Variants in CDH18 observed in about 807,000 individuals in gnomAD.
CDH18 encodes the protein cadherin-18.
Under a neutral mutation model 67.9 loss-of-function variants are expected in CDH18, and 31 were observed. That is an observed-to-expected ratio of 0.46 (90% CI 0.34 to 0.62). The LOEUF (loss-of-function observed/expected upper bound fraction) is 0.62, where lower values mean the gene tolerates loss of function less well. Among genes scored for constraint, CDH18 ranks in the 20% least tolerant of loss-of-function variants. CDH18 has a pLI of 0.01. For synonymous variants in CDH18, 362 were observed against 347.2 expected (o/e 1.04, Z -0.48); for missense variants, 890 against 975.5 (o/e 0.91, Z 1.17).
At chr5:20,364,266 G>C (rs948117238) in intron 1 of CDH18, among the ~76,000 whole-genome samples, 3 of 149,508 alleles carry the variant, frequency 2.0e-5, no homozygotes, top group Non-Finnish European at 4.5e-5. Flanking sequence ...CACACACAGA[G>C]ACACACACAC....
At chr5:20,516,834 C>T (rs924063838) in intron 1 of CDH18, among the ~76,000 whole-genome samples, 3 of 151,810 alleles carry the variant, frequency 2.0e-5, no homozygotes, top group Non-Finnish European at 4.4e-5. Flanking sequence ...AGGCTGGAAG[C>T]AGGATTTACA....
chr5:19,556,684 G>A (rs1179054594), intron 8 of CDH18, among the ~76,000 whole-genome samples: 2 of 151,946 alleles, frequency 1.3e-5, no homozygotes, highest in Non-Finnish European at 2.9e-5. Context: ...AGAAATATAG[G>A]AGTTTGGAAA....
intron 1 of CDH18, among the ~76,000 whole-genome samples, chr5:20,377,017 C>A (rs994859268): frequency 5.3e-4 from 76 of 142,730 alleles, no homozygotes; most frequent in Middle Eastern, 3.6e-3. Flanking sequence ...GACTCCGTCT[C>A]AAAAAAAAAA....
intron 2 of CDH18, among the ~76,000 whole-genome samples, chr5:20,088,775 C>T (rs1288702095): frequency 6.6e-6 from 1 of 152,136 alleles, no homozygotes; most frequent in African/African-American, 2.4e-5. Context: ...AATAGAATTA[C>T]TCTAATTTTA....
intron 1 of CDH18, among the ~76,000 whole-genome samples, chr5:20,295,481 C>T (rs542917396): frequency 1.1e-3 from 161 of 152,248 alleles, no homozygotes; most frequent in Non-Finnish European, 1.9e-3. Context: ...GTAGTCCCAG[C>T]GCTTTGGGAG....
chr5:19,605,375 A>G (rs893716064), intron 6 of CDH18, among the ~76,000 whole-genome samples: 2 of 151,944 alleles, frequency 1.3e-5, no homozygotes, highest in African/African-American at 4.8e-5. Flanking sequence ...ATGATGTAAG[A>G]TAAAAATATT....
At chr5:20,428,163 T>C (rs1748457339) in intron 1 of CDH18, among the ~76,000 whole-genome samples, 1 of 150,912 alleles carries the variant, frequency 6.6e-6, no homozygotes, top group Admixed American at 6.6e-5. Context: ...TTCTCATTGC[T>C]CAACTCCCAC....
intron 2 of CDH18, among the ~76,000 whole-genome samples, chr5:19,870,491 C>T (rs143409905): frequency 1.4e-3 from 220 of 152,092 alleles, no homozygotes; most frequent in African/African-American, 5.0e-3. Flanking sequence ...ATTTTGATAT[C>T]GGTATGATAT....
At chr5:20,394,073 T>A (rs1040412928) in intron 1 of CDH18, among the ~76,000 whole-genome samples, 1 of 151,976 alleles carries the variant, frequency 6.6e-6, no homozygotes, top group African/African-American at 2.4e-5. Context: ...TAAAATTATA[T>A]GGAATCCCAA....
At chr5:20,198,780 AGG>A in intron 2 of CDH18, among the ~76,000 whole-genome samples, 1 of 152,258 alleles carries the variant, frequency 6.6e-6, no homozygotes, top group Middle Eastern at 3.4e-3. Flanking sequence ...GGCCTGGCCC[AGG>A]GCCCGCCTGC....
rs532138923 is a variant in CDH18, at chr5:20,440,208, A to G, written c.-580+135254T>C. ...GAACATAGCATTAGATCCTAGGAGAAGAATGATAAGACTGAGGCCATGATC... is the reference window on the plus strand; with the variant it reads ...GAACATAGCATTAGATCCTAGGAGAGGAATGATAAGACTGAGGCCATGATC... On this transcript the variant is annotated intron_variant, in intron 1 of 14. Transcript: ENST00000507958. 3.9e-5 allele frequency among the ~76,000 whole-genome samples: 6 copies of G among 151,998 alleles called. No homozygotes were observed. In the South Asian group the frequency reaches 1.2e-3, roughly 31 times the overall value.
chr5:19,792,866 T>C (rs1776506975), intron 3 of CDH18, among the ~76,000 whole-genome samples: 1 of 152,200 alleles, frequency 6.6e-6, no homozygotes, highest in Admixed American at 6.6e-5. Flanking sequence ...AGAACTTTAC[T>C]TCTACTTTAG....
intron 11 of CDH18, among the ~76,000 whole-genome samples, chr5:19,495,775 T>A (rs1200466033): frequency 1.4e-5 from 2 of 144,710 alleles, no homozygotes; most frequent in Non-Finnish European, 3.0e-5. Context: ...TCTCCACTTA[T>A]GGGCAGCAGA....
At chr5:20,228,356 T>C (rs1741801798) in intron 2 of CDH18, among the ~76,000 whole-genome samples, 1 of 152,088 alleles carries the variant, frequency 6.6e-6, no homozygotes, top group Non-Finnish European at 1.5e-5. Context: ...AAATTACAGG[T>C]AAAATTGTAT....
chr5:20,511,320 T>C (rs185023404), intron 1 of CDH18, among the ~76,000 whole-genome samples: 165 of 152,186 alleles, frequency 1.1e-3, no homozygotes, highest in African/African-American at 3.3e-3. Context: ...TGGACAAATA[T>C]ACAGACAGAT....
chr5:19,911,371 G>C (rs545609490), intron 2 of CDH18, among the ~76,000 whole-genome samples: 1 of 152,178 alleles, frequency 6.6e-6, no homozygotes, highest in African/African-American at 2.4e-5. Flanking sequence ...GGTAGAGTTA[G>C]AGAGAAGGGG....
chr5:20,573,643 G>A (rs1758930725), intron 1 of CDH18, among the ~76,000 whole-genome samples: 1 of 150,454 alleles, frequency 6.6e-6, no homozygotes, highest in Non-Finnish European at 1.5e-5. Context: ...AATATTATAA[G>A]CAAAACAATA....
chr5:20,361,112 C>T (rs1281589157), intron 1 of CDH18, among the ~76,000 whole-genome samples: 1 of 151,904 alleles, frequency 6.6e-6, no homozygotes, highest in East Asian at 1.9e-4. Context: ...TTTAGTTCTG[C>T]AATGCTTTCT....
At chr5:19,809,947 G>A (rs1428019601) in intron 3 of CDH18, among the ~76,000 whole-genome samples, 1 of 152,078 alleles carries the variant, frequency 6.6e-6, no homozygotes, top group African/African-American at 2.4e-5. Context: ...ATATGAGAAT[G>A]GGAACATCGA....
Sources: allele counts gnomAD v4.1 joint callset (sites outside exome capture counted in the v4.1 genomes callset), GRCh38; gene constraint gnomAD v4.1.1; transcripts MANE v1.5; gene names NCBI Gene and HGNC (gene_info 2026-07-23, HGNC 2026-07-21).